The following FCSK variants were observed in gnomAD, a reference collection of about 807,000 sequenced individuals.
FCSK encodes the protein L-fucose kinase.
Under a neutral mutation model 122.5 loss-of-function variants are expected in FCSK, and 123 were observed. That is an observed-to-expected ratio of 1.00 (90% confidence interval 0.87 to 1.17). The LOEUF is 1.17. Ranked by LOEUF, FCSK falls within the 50% of genes most tolerant of loss-of-function variation. The pLI is 0.00. For missense variants in FCSK, 1,366 were observed against 1,450.4 expected, an observed-to-expected ratio of 0.94 and a Z score of 0.95; for synonymous variants, 620 against 625.5, an observed-to-expected ratio of 0.99 and a Z score of 0.13.
At chr16:70,478,492 C>T in intron 21 of FCSK, 33 bp downstream of exon 21, 1 of 1,613,460 alleles carries the variant, frequency 6.2e-7, no homozygotes, top group East Asian at 2.2e-5. Context: ...GGGAGGCAGG[C>T]AGGGGGCCTG....
intron 10 of FCSK, among the ~76,000 whole-genome samples, chr16:70,470,080 T>A (rs2048562242): frequency 1.3e-5 from 2 of 152,140 alleles, no homozygotes; most frequent in South Asian, 4.1e-4. Context: ...CCTGACCTCG[T>A]GATCTGCCTG....
intron 11 of FCSK, 22 bp from the exon 12 acceptor site, chr16:70,470,949 C>G: frequency 1.9e-6 from 3 of 1,556,266 alleles, no homozygotes; most frequent in Non-Finnish European, 1.7e-6. Flanking sequence ...CCCCCTCATG[C>G]TCCTCCTACC....
At chr16:70,455,560 C>G (rs1259832262) in intron 1 of FCSK, among the ~76,000 whole-genome samples, 1 of 151,302 alleles carries the variant, frequency 6.6e-6, no homozygotes, top group East Asian at 1.9e-4. Flanking sequence ...TTCTCAGGAC[C>G]TCTTGAGATT....
intron 1 of FCSK, among the ~76,000 whole-genome samples, chr16:70,457,080 G>A (rs1026976316): frequency 2.6e-5 from 4 of 152,064 alleles, no homozygotes; most frequent in African/African-American, 9.7e-5. Flanking sequence ...AAGAGGTAGA[G>A]ATGGGGACAG....
chr16:70,473,412 C>T lies in FCSK; in HGVS notation c.1777+59C>T. The T allele has an allele frequency of 6.9e-7, 1 of 1,443,144 alleles. No homozygotes were observed. Among genetic ancestry groups the T allele is most frequent in the African/African-American group, 1.4e-5 (1 of 69,724 alleles). 89.4% of individuals were successfully genotyped at this position (1,443,144 alleles called of 1,614,324 possible). A position where few individuals can be genotyped will look rare whatever the true frequency, so the allele number is the denominator to read the frequency against. On this transcript the variant is annotated intron_variant, in intron 15 of 23. Transcript: ENST00000288078. This position sits in a 1 kb window ranked among gnomAD's most constrained non-coding sequence, Gnocchi z 4.9. ...GGCCAGGGGCACCTGCCCTCCCTGT[C>T]CTCTGGGCCATCCCCTGAGGGGACT... is the stretch of plus-strand genomic sequence containing the variant.
Position 70,479,314 on chromosome 16 carries a change from G to A in FCSK, c.3064G>A (p.Ala1022Thr). 1 of 1,614,050 alleles carries A rather than the reference G, an allele frequency of 6.2e-7. No individual in the cohort carries two copies. ...CCCCCACGTGCATGGCCAGAGCCTGGCTGGGGCAGGCGGTGGAGGCTTTCT... is the reference window on the plus strand; with the variant it reads ...CCCCCACGTGCATGGCCAGAGCCTGACTGGGGCAGGCGGTGGAGGCTTTCT... ...LAPHVHGQSL[A>T]GAGGGGFLYL... The change falls in exon 23 of 24, where the codon GCT becomes ACT. Residue 1022 changes from alanine to threonine, a missense_variant. Physicochemically the swap from Ala to Thr is moderately conservative, Grantham distance 58 (BLOSUM62 0). Coordinates refer to ENST00000288078, the MANE Select transcript of FCSK (RefSeq NM_145059.3).
At chr16:70,467,261 C>A in intron 6 of FCSK, 113 bp from the exon 7 acceptor site, 1 of 701,868 alleles carries the variant, frequency 1.4e-6, no homozygotes, top group Non-Finnish European at 2.4e-6. Context: ...AACCGTATTT[C>A]CCTTTTAGAG....
At position 70,474,237 on chromosome 16, in the gene FCSK, C is replaced by T; in HGVS notation, c.1886C>T (p.Ala629Val). Residue 629 changes from alanine to valine, a missense_variant, in exon 16 of 24, where the codon GCT (alanine) becomes GTT (valine). Coordinates refer to ENST00000288078, the MANE Select transcript of FCSK (RefSeq NM_145059.3). ...CGTGGGGGCTTGCGGAGCGGGCCAG[C>T]TGCCAACCCTGAGTGGATGCGGCCC... ...EGRGGLRSGP[A>V]ANPEWMRPFS... 6.2e-7 allele frequency: 1 copy of T among 1,608,632 alleles called. No individual in the cohort carries two copies. The highest frequency in any genetic ancestry group is 8.5e-7 in the Non-Finnish European group (1 of 1,178,222).
At chr16:70,462,392 C>T (rs2048293520) in intron 1 of FCSK, 2 of 152,388 alleles carry the variant, frequency 1.3e-5, no homozygotes, top group Non-Finnish European at 2.9e-5. Flanking sequence ...GTGATACAGT[C>T]ATAGCCCACT....
intron 7 of FCSK, 59 bp downstream of exon 7, chr16:70,467,530 G>C (rs566079647): frequency 3.8e-4 from 497 of 1,312,026 alleles, no homozygotes; most frequent in Middle Eastern, 1.5e-3. Flanking sequence ...TCAGTGGGCA[G>C]CCTCCTCCCT....
chr16:70,470,937 ACCC>A lies in FCSK; in HGVS notation c.1069-30_1069-28del, dbSNP rs17885982. ...AGAGCTGGGGCAGCCCTGGGCCTCG[ACCC>A]CCCTCATGCTCCTCCTACCTGGCTG... On this transcript the variant is annotated intron_variant, in intron 11 of 23. Transcript: ENST00000288078. 12,952 of 1,537,212 alleles carry A rather than the reference ACCC, an allele frequency of 8.4e-3. 910 individuals carry two copies. In the African/African-American group the frequency reaches 0.15, roughly 18 times the overall value.
At chr16:70,478,163 G>GCTAT in intron 20 of FCSK, 109 bp from the exon 21 acceptor site, 1 of 1,062,164 alleles carries the variant, frequency 9.4e-7, no homozygotes, top group Non-Finnish European at 1.4e-6. Flanking sequence ...GTTGAGGGAA[G>GCTAT]CTATCTTTCC....
rs541468533 is a variant in FCSK, at chr16:70,479,954, C to A, written c.*274C>A. ...TGGCCTTTACAAATCCTATGGCTGG[C>A]CTTCTCATTCCACAAGGGCCCTGGA... On this transcript the variant is annotated 3_prime_UTR_variant, in exon 24 of 24. Transcript: ENST00000288078. The A allele has an allele frequency of 2.5e-4, 77 of 312,028 alleles. No individual in the cohort carries two copies. The South Asian group carries it at 4.9e-3, about 20-fold the overall frequency. 19.3% of individuals were successfully genotyped at this position (312,028 alleles called of 1,614,324 possible). A position where few individuals can be genotyped will look rare whatever the true frequency, so the allele number is the denominator to read the frequency against.
At chr16:70,462,149 T>C (rs75787743) in intron 1 of FCSK, 3 of 141,758 alleles carry the variant, frequency 2.1e-5, no homozygotes, top group African/African-American at 9.5e-5. Flanking sequence ...TATTTGACTT[T>C]TTTTTGTTTT....
At chr16:70,467,152 C>A in intron 6 of FCSK, 198 bp downstream of exon 6, 1 of 648,336 alleles carries the variant, frequency 1.5e-6, no homozygotes, top group Non-Finnish European at 2.7e-6. Flanking sequence ...ATAGGATGGA[C>A]AGAAGCAGCC....
rs7199145 is a variant in FCSK, at chr16:70,475,935, A to C, written c.2641+168A>C. 9,170 of 675,996 alleles carry C rather than the reference A, an allele frequency of 0.014. 653 individuals are homozygous for C. In the African/African-American group the frequency reaches 0.15, roughly 11 times the overall value. The allele number at this position is 675,996 out of a possible 1,614,324, so 41.9% of individuals were successfully genotyped here. A position where few individuals can be genotyped will look rare whatever the true frequency, so the allele number is the denominator to read the frequency against. ...ACTTTGACCTTCTCTGGTCGTTTTC[A>C]ACCTGAAATGTTCTACCTCCCAACG... On this transcript the variant is annotated intron_variant, in intron 20 of 23. Transcript: ENST00000288078.
At chr16:70,475,051 C>T (rs1398521378) in intron 18 of FCSK, 40 bp downstream of exon 18, 12 of 1,530,516 alleles carry the variant, frequency 7.8e-6, no homozygotes, top group Middle Eastern at 2.0e-4. Context: ...GGCTGGCCAG[C>T]TGGGGGCTCG....
Position 70,478,666 on chromosome 16 carries a change from TG to T in FCSK, c.2929+23del, listed in dbSNP as rs757445246. On this transcript the variant is annotated intron_variant, in intron 22 of 23. Transcript: ENST00000288078. ...TTCCGCCAAGGTGAGGGGCTTCCTC[TG>T]GGGGGGTCAGGGCACTGGGAGCGAG... is the stretch of plus-strand genomic sequence containing the variant. 1.7e-5 allele frequency: 27 copies of T among 1,607,802 alleles called. No individual in the cohort carries two copies. The highest frequency in any genetic ancestry group is 1.7e-4 in the Middle Eastern group (1 of 6,046).
In FCSK at chr16:70,479,407, C is replaced by T. The variant is rs17885931; in HGVS notation, c.3153+4C>T. ...GGCGGTGCTGGCCAAGACCGAGGTA[C>T]TGATGGGGCTGGGGTTGGTAAAGAG... On this transcript the variant is annotated splice_donor_region_variant and intron_variant, in intron 23 of 23. Transcript: ENST00000288078. 1,998 of 1,610,458 alleles carry T rather than the reference C, an allele frequency of 1.2e-3. 22 individuals are homozygous for T. In the African/African-American group the frequency reaches 0.019, roughly 15 times the overall value.
Sources: allele counts gnomAD v4.1 joint callset (sites outside exome capture counted in the v4.1 genomes callset), GRCh38; gene constraint gnomAD v4.1.1; non-coding constraint Gnocchi (gnomAD v3.1); transcripts MANE v1.5; gene names NCBI Gene and HGNC (gene_info 2026-07-23, HGNC 2026-07-21).